CEP63: variants seen among roughly 807,000 people sequenced by gnomAD.
CEP63 encodes the protein centrosomal protein 63.
CEP63 carries 84 observed loss-of-function variants against 89.1 expected under a neutral mutation model. That is an observed-to-expected ratio of 0.94 (90% CI 0.79 to 1.13). The LOEUF (loss-of-function observed/expected upper bound fraction) is 1.13, where lower values mean the gene tolerates loss of function less well. Ranked by LOEUF, CEP63 falls within the 50% of genes most tolerant of loss-of-function variation. The pLI, the probability that CEP63 is intolerant of heterozygous loss-of-function variation, is 0.00. For synonymous variants in CEP63, 267 were observed against 272.5 expected (o/e 0.98, Z 0.20); for missense variants, 838 against 813.3 (o/e 1.03, Z -0.37).
intron 3 of CEP63, among the ~76,000 whole-genome samples, chr3:134,515,134 T>C (rs1945932703): frequency 6.6e-6 from 1 of 152,224 alleles, no homozygotes; most frequent in Non-Finnish European, 1.5e-5. Context: ...TAGACCTTGT[T>C]AAGTCACAAA....
At chr3:134,556,830 T>A (rs1577391990) in intron 12 of CEP63, among the ~76,000 whole-genome samples, 1 of 152,224 alleles carries the variant, frequency 6.6e-6, no homozygotes, top group Non-Finnish European at 1.5e-5. Flanking sequence ...AGTAATTGTT[T>A]ATAAAATAAT....
the CEP63 span, among the ~76,000 whole-genome samples, chr3:134,762,983 G>A: frequency 7.8e-4 from 118 of 152,248 alleles, 2 homozygotes; most frequent in South Asian, 0.021. Flanking sequence ...TAGGGCCTGC[G>A]ATGGTAACAC....
intron 3 of CEP63, among the ~76,000 whole-genome samples, chr3:134,526,741 T>A (rs1948726947): frequency 1.3e-5 from 2 of 152,188 alleles, no homozygotes; most frequent in Admixed American, 1.3e-4. Flanking sequence ...TTACATTCCT[T>A]CAATCTTTGA....
intron 2 of CEP63, among the ~76,000 whole-genome samples, chr3:134,496,422 A>AG (rs1198965906): frequency 3.7e-5 from 1 of 26,928 alleles, no homozygotes; most frequent in Non-Finnish European, 8.8e-5. Context: ...AGAAAAGGAT[A>AG]GAAAAAAAAG....
chr3:134,604,193 A>G, the CEP63 span: 1 of 1,612,162 alleles, frequency 6.2e-7, no homozygotes. Context: ...ATCTGCTCCG[A>G]GAACCAGCTG....
At chr3:134,571,096 CA>C (rs1302882284) in intron 11 of CEP63, among the ~76,000 whole-genome samples, 7 of 152,240 alleles carry the variant, frequency 4.6e-5, no homozygotes, top group Non-Finnish European at 7.3e-5. Flanking sequence ...GAGATTTGGG[CA>C]GAGACACAAC....
At chr3:134,666,722 C>T in the CEP63 span, among the ~76,000 whole-genome samples, 541 of 152,270 alleles carry the variant, frequency 3.6e-3, 6 homozygotes, top group African/African-American at 0.011. Flanking sequence ...TCTCTGTGGC[C>T]GGGCCAAGGC....
chr3:134,768,637 C>G, the CEP63 span, among the ~76,000 whole-genome samples: 1 of 152,216 alleles, frequency 6.6e-6, no homozygotes, highest in Non-Finnish European at 1.5e-5. Context: ...GGAGTGTCTT[C>G]TCCAAGTGCC....
intron 6 of CEP63, 134 bp from the exon 7 acceptor site, chr3:134,545,452 C>T (rs1023212049): frequency 8.2e-5 from 48 of 585,248 alleles, no homozygotes; most frequent in African/African-American, 1.1e-4. Context: ...CTTACCCCTT[C>T]GCAATATATA....
chr3:134,564,570 T>C lies in CEP63; in HGVS notation c.*3035T>C, dbSNP rs1957639455. On this transcript the variant is annotated 3_prime_UTR_variant, in exon 15 of 15. Transcript: ENST00000675561. Reference sequence around the variant, plus strand: ...CACATAACAGATCCTAAGCAAATATTGGGTGGATGAAAATCACTACCATTC... The same window carrying C: ...CACATAACAGATCCTAAGCAAATATCGGGTGGATGAAAATCACTACCATTC... 1 of 985,334 alleles carries C rather than the reference T, an allele frequency of 1.0e-6. No individual in the cohort carries two copies. Among genetic ancestry groups the C allele is most frequent in the East Asian group, 1.1e-4 (1 of 8,828 alleles). 61.0% of individuals were successfully genotyped at this position (985,334 alleles called of 1,614,324 possible).
At chr3:134,718,999 A>C in the CEP63 span, among the ~76,000 whole-genome samples, 1 of 152,112 alleles carries the variant, frequency 6.6e-6, no homozygotes, top group African/African-American at 2.4e-5. Context: ...CCTTCACTTA[A>C]CCACTAGGTA....
the CEP63 span, among the ~76,000 whole-genome samples, chr3:134,633,128 C>G: frequency 2.6e-5 from 4 of 151,998 alleles, no homozygotes; most frequent in African/African-American, 9.7e-5. Context: ...TTAAAATCTT[C>G]CCCCCAAAAG....
Position 134,522,032 on chromosome 3 carries a change from T to C in CEP63, c.223-9813T>C, listed in dbSNP as rs531264581. Among the ~76,000 whole-genome samples, 63 of 152,304 alleles carry C rather than the reference T, an allele frequency of 4.1e-4. 1 individual carries two copies. The South Asian group carries it at 0.013, about 31-fold the overall frequency. On this transcript the variant is annotated intron_variant, in intron 3 of 14. Transcript: ENST00000675561. ...ATCAAACATGCACTCTCTTTTAGTCTCTTTTCTTTGTATTTCTTCTCATTG... is the reference window on the plus strand; with the variant it reads ...ATCAAACATGCACTCTCTTTTAGTCCCTTTTCTTTGTATTTCTTCTCATTG...
the CEP63 span, among the ~76,000 whole-genome samples, chr3:134,661,509 A>T: frequency 6.6e-6 from 1 of 152,190 alleles, no homozygotes; most frequent in Non-Finnish European, 1.5e-5. Flanking sequence ...CATGTAGTTG[A>T]CCTAGAAGAT....
chr3:134,560,660 AAAT>A lies in CEP63; in HGVS notation c.1954-714_1954-712del, dbSNP rs1244973300. ...TTCTGAACCTCATGTCTCTCATGTG[AAAT>A]AAAAAATACAGAATCTACCAGAATG... On this transcript the variant is annotated intron_variant, in intron 14 of 14. Coordinates refer to ENST00000675561, the MANE Select transcript of CEP63 (RefSeq NM_001353108.3). 4.0e-4 allele frequency among the ~76,000 whole-genome samples: 61 copies of A among 152,154 alleles called. 1 individual carries two copies. The highest frequency in any genetic ancestry group is 4.0e-3 in the Admixed American group (61 of 15,280).
At chr3:134,701,722 G>C in the CEP63 span, among the ~76,000 whole-genome samples, 1 of 152,086 alleles carries the variant, frequency 6.6e-6, no homozygotes, top group African/African-American at 2.4e-5. Context: ...GGAAGTCCTG[G>C]CCAGGGCAAT....
chr3:134,529,631 G>A (rs896297634), intron 3 of CEP63, among the ~76,000 whole-genome samples: 6 of 151,120 alleles, frequency 4.0e-5, no homozygotes, highest in South Asian at 4.2e-4. Flanking sequence ...GTGAGCCACC[G>A]CACCCGGCCC....
chr3:134,734,961 ACTT>A, the CEP63 span, among the ~76,000 whole-genome samples: 1 of 152,142 alleles, frequency 6.6e-6, no homozygotes, highest in Non-Finnish European at 1.5e-5. Context: ...GTGTTTTCAA[ACTT>A]CTTCTATAGG....
chr3:134,490,503 C>T (rs1339798672), intron 1 of CEP63, among the ~76,000 whole-genome samples: 2 of 151,988 alleles, frequency 1.3e-5, no homozygotes, highest in Non-Finnish European at 2.9e-5. Context: ...TATTTAAAGG[C>T]ATATGAAGTA....
Sources: allele counts gnomAD v4.1 joint callset (sites outside exome capture counted in the v4.1 genomes callset), GRCh38; gene constraint gnomAD v4.1.1; transcripts MANE v1.5; gene names NCBI Gene and HGNC (gene_info 2026-07-23, HGNC 2026-07-21).